EDN1: variants seen among roughly 807,000 people sequenced by gnomAD.
EDN1 encodes endothelin 1, also known as endothelin-1.
EDN1 carries 11 observed loss-of-function variants against 21.7 expected under a neutral mutation model. That is an observed-to-expected ratio of 0.51 (90% CI 0.32 to 0.84). The LOEUF is 0.84. Among genes scored for constraint, EDN1 ranks in the 40% least tolerant of loss-of-function variants. EDN1 has a pLI of 0.03. For synonymous variants in EDN1, 85 were observed against 90.6 expected (o/e 0.94, Z 0.35); for missense variants, 244 against 262.3 (o/e 0.93, Z 0.48).
chr6:12,263,334 A>T, the EDN1 span, among the ~76,000 whole-genome samples: 9 of 152,242 alleles, frequency 5.9e-5, no homozygotes, highest in Non-Finnish European at 1.3e-4. Context: ...CTTCAAAAGC[A>T]GTAGAAGCAA....
At chr6:12,281,320 C>T in the EDN1 span, among the ~76,000 whole-genome samples, 1 of 152,170 alleles carries the variant, frequency 6.6e-6, no homozygotes, top group African/African-American at 2.4e-5. Flanking sequence ...TTTGATGATA[C>T]TTTGCTCTTT....
chr6:12,253,626 A>T, the EDN1 span, among the ~76,000 whole-genome samples: 1 of 152,228 alleles, frequency 6.6e-6, no homozygotes, highest in African/African-American at 2.4e-5. Flanking sequence ...TAGGGTAGAA[A>T]AATTATTGCT....
chr6:12,233,566 G>GATT, the EDN1 span, among the ~76,000 whole-genome samples: 27 of 152,098 alleles, frequency 1.8e-4, no homozygotes, highest in African/African-American at 5.3e-4. Flanking sequence ...AAGGCACTAT[G>GATT]ATTATTATTA....
At position 12,296,471 on chromosome 6, in the gene EDN1, A is replaced by G. The variant is rs1762828306; in HGVS notation, c.*404A>G. ...TGGCACATTTCAGGGAGAAACTCCA[A>G]AGTCCACACAAAGATTTTCTAAGGA... On this transcript the variant is annotated 3_prime_UTR_variant, in exon 5 of 5. Transcript: ENST00000379375. 1 of 166,056 alleles carries G rather than the reference A, an allele frequency of 6.0e-6. No homozygotes were observed. Among genetic ancestry groups the G allele is most frequent in the South Asian group, 1.7e-4 (1 of 6,000 alleles). 10.3% of individuals were successfully genotyped at this position (166,056 alleles called of 1,614,324 possible).
At chr6:12,290,338 G>T (rs1762638489), upstream of EDN1, 6 of 464,098 alleles carry the variant, frequency 1.3e-5, no homozygotes, top group African/African-American at 2.0e-5. Flanking sequence ...AATATAAAAA[G>T]CCGGCAGAGA....
chr6:12,283,293 A>G, the EDN1 span, among the ~76,000 whole-genome samples: 1 of 152,212 alleles, frequency 6.6e-6, no homozygotes, highest in African/African-American at 2.4e-5. Flanking sequence ...TTACTAAATT[A>G]GAGTTTGAGG....
At chr6:12,291,217 T>TCCCCCCCCCCCCCCCCCCCC (rs56214323) in intron 1 of EDN1, among the ~76,000 whole-genome samples, 1 of 92,086 alleles carries the variant, frequency 1.1e-5, no homozygotes, top group African/African-American at 3.6e-5. Context: ...AACTACCGCC[T>TCCCCCCCCCCCCCCCCCCCC]CCCCCCCCCC....
the EDN1 span, among the ~76,000 whole-genome samples, chr6:12,249,231 G>A: frequency 1.3e-5 from 2 of 152,136 alleles, no homozygotes; most frequent in African/African-American, 4.8e-5. Context: ...CTGTGTGTCA[G>A]ATGGAAAGAT....
At position 12,290,469 on chromosome 6, in the gene EDN1, T is replaced by C; in HGVS notation, c.-161T>C. 1.5e-6 allele frequency: 1 copy of C among 650,274 alleles called. No homozygotes were observed. The highest frequency in any genetic ancestry group is 2.8e-5 in the East Asian group (1 of 35,592). The allele number at this position is 650,274 out of a possible 1,614,324, so 40.3% of individuals were successfully genotyped here. ...ACGCTCCGCTCGCTGCCTTCTCTCC[T>C]GGCAGGCGCTGCCTTTTCTCCCCGT... On this transcript the variant is annotated 5_prime_UTR_variant, in exon 1 of 5. Coordinates refer to ENST00000379375, the MANE Select transcript of EDN1 (RefSeq NM_001955.5).
At chr6:12,238,114 G>A in the EDN1 span, among the ~76,000 whole-genome samples, 1 of 148,868 alleles carries the variant, frequency 6.7e-6, no homozygotes, top group African/African-American at 2.5e-5. Context: ...AGAAGTTGCA[G>A]TGAGTTGAGA....
intron 1 of EDN1, among the ~76,000 whole-genome samples, chr6:12,291,153 G>A (rs908047349): frequency 1.3e-5 from 2 of 151,756 alleles, no homozygotes; most frequent in African/African-American, 4.9e-5. Context: ...GTATCCAGTC[G>A]TTCAAGCAAT....
rs2070698 is a variant in EDN1 at position 12,290,879 on chromosome 6, T to C, written c.64+186T>C. Reference sequence around the variant, plus strand: ...TAGTGTAAAATGTAAAATTCCTCTATTGAATACAATTAGGTGCAATTGACT... The same window carrying C: ...TAGTGTAAAATGTAAAATTCCTCTACTGAATACAATTAGGTGCAATTGACT... On this transcript the variant is annotated intron_variant, in intron 1 of 4. Coordinates refer to ENST00000379375, the MANE Select transcript of EDN1 (RefSeq NM_001955.5). Among the ~76,000 whole-genome samples the C allele has an allele frequency of 0.5, 75,747 of 151,724 alleles. 19,481 individuals carry two copies. The highest frequency in any genetic ancestry group is 0.65 in the East Asian group (3,354 of 5,182).
the EDN1 span, among the ~76,000 whole-genome samples, chr6:12,283,604 C>T: frequency 6.6e-6 from 1 of 152,192 alleles, no homozygotes; most frequent in Non-Finnish European, 1.5e-5. Flanking sequence ...GGAACTGTGG[C>T]AAATTTTAGC....
the EDN1 span, among the ~76,000 whole-genome samples, chr6:12,246,896 C>A: frequency 6.6e-6 from 1 of 152,040 alleles, no homozygotes; most frequent in Admixed American, 6.6e-5. Context: ...TTTTTGAGAC[C>A]CTTGTAAGAA....
At chr6:12,285,488 T>C (rs1035205405), upstream of EDN1, among the ~76,000 whole-genome samples, 4 of 152,034 alleles carry the variant, frequency 2.6e-5, no homozygotes, top group Non-Finnish European at 5.9e-5. Flanking sequence ...TATAAGATAT[T>C]GCAGTTGATG....
chr6:12,233,166 T>C, the EDN1 span, among the ~76,000 whole-genome samples: 1 of 152,216 alleles, frequency 6.6e-6, no homozygotes, highest in African/African-American at 2.4e-5. Flanking sequence ...AGGTCCTGAG[T>C]CCTTTTCAGC....
chr6:12,290,840 T>C (rs947704271), intron 1 of EDN1, 147 bp downstream of exon 1: 4 of 753,734 alleles, frequency 5.3e-6, no homozygotes, highest in Non-Finnish European at 9.4e-6. Flanking sequence ...TGCTGAAAGC[T>C]ACTTTAAGTC....
the EDN1 span, among the ~76,000 whole-genome samples, chr6:12,271,901 G>T: frequency 2.0e-5 from 3 of 152,136 alleles, no homozygotes; most frequent in Non-Finnish European, 4.4e-5. Context: ...CTTCTGGCTT[G>T]TAAGGTTTCT....
chr6:12,294,004 C>T lies in EDN1; in HGVS notation c.297C>T (p.Pro99=). 6.2e-7 allele frequency: 1 copy of T among 1,614,196 alleles called. No homozygotes were observed. Among genetic ancestry groups the T allele is most frequent in the Non-Finnish European group, 8.5e-7 (1 of 1,180,044 alleles). ...RSKRALENLL[P]TKATDRENRC... ...AGAGAGCCTTGGAGAATTTACTTCC[C>T]ACAAAGGCAACAGACCGTGAAAATA... Residue 99 remains proline, a synonymous_variant, in exon 3 of 5, where the codon CCC becomes CCT. Transcript: ENST00000379375.
Sources: gnomAD v4.1 joint callset for allele counts (sites outside exome capture counted in the v4.1 genomes callset) on GRCh38, gnomAD v4.1.1 for gene constraint, MANE v1.5 for transcripts, NCBI Gene and HGNC (gene_info 2026-07-23, HGNC 2026-07-21) for gene names.